RIMS2: variants seen among roughly 807,000 people sequenced by gnomAD.
RIMS2 encodes the protein regulating synaptic membrane exocytosis protein 2.
Under a neutral mutation model 174.4 loss-of-function variants are expected in RIMS2, and 59 were observed. The ratio of observed to expected loss-of-function variants is 0.34; its 90% CI spans 0.27 to 0.42. The LOEUF is 0.42. Ranked by LOEUF, RIMS2 falls within the 10% of genes least tolerant of loss-of-function variation. RIMS2 has a pLI of 1.00. For synonymous variants in RIMS2, 606 were observed against 572.5 expected (o/e 1.06, Z -0.84); for missense variants, 1,620 against 1,666.3 (o/e 0.97, Z 0.48).
chr8:103,674,712 C>G (rs1190071387), intron 1 of RIMS2, among the ~76,000 whole-genome samples: 1 of 151,710 alleles, frequency 6.6e-6, no homozygotes, highest in Admixed American at 6.6e-5. Context: ...CTCTTAGTAA[C>G]CCTGGTTTTT....
intron 17 of RIMS2, among the ~76,000 whole-genome samples, chr8:104,005,434 A>G (rs970201101): frequency 2.0e-5 from 3 of 152,294 alleles, no homozygotes; most frequent in South Asian, 2.1e-4. Context: ...ACACAGTTGA[A>G]CTAAATGTTA....
chr8:103,648,795 A>G (rs746775431), intron 1 of RIMS2, among the ~76,000 whole-genome samples: 46 of 151,928 alleles, frequency 3.0e-4, no homozygotes, highest in Non-Finnish European at 2.4e-4. Context: ...TTGTTTGGTA[A>G]ATTTTCCTCC....
chr8:103,950,211 C>G (rs1322216077), intron 14 of RIMS2, among the ~76,000 whole-genome samples: 1 of 152,070 alleles, frequency 6.6e-6, no homozygotes, highest in African/African-American at 2.4e-5. Flanking sequence ...TGATAAAATA[C>G]CAATTCTTTA....
At chr8:104,033,451 G>A (rs1045247076) in intron 19 of RIMS2, among the ~76,000 whole-genome samples, 5 of 151,924 alleles carry the variant, frequency 3.3e-5, no homozygotes, top group Non-Finnish European at 7.4e-5. Context: ...GTGGCCATAT[G>A]TATCTATGTA....
chr8:104,039,347 G>T (rs951216563), intron 19 of RIMS2, among the ~76,000 whole-genome samples: 8 of 151,528 alleles, frequency 5.3e-5, no homozygotes, highest in Non-Finnish European at 1.2e-4. Context: ...AACTTGTTTT[G>T]TATCATTGGG....
At chr8:103,768,032 A>C (rs1591976673) in intron 3 of RIMS2, among the ~76,000 whole-genome samples, 1 of 152,218 alleles carries the variant, frequency 6.6e-6, no homozygotes, top group African/African-American at 2.4e-5. Flanking sequence ...ACTTACAGTC[A>C]GCAGATTTTG....
intron 1 of RIMS2, among the ~76,000 whole-genome samples, chr8:103,573,799 A>G (rs1250216094): frequency 6.6e-6 from 1 of 152,120 alleles, no homozygotes; most frequent in Non-Finnish European, 1.5e-5. Context: ...TGCTTTGGGC[A>G]TTCTGGATAT....
At chr8:104,153,153 C>T (rs2098700484) in intron 19 of RIMS2, among the ~76,000 whole-genome samples, 1 of 152,110 alleles carries the variant, frequency 6.6e-6, no homozygotes, top group Non-Finnish European at 1.5e-5. Context: ...TCTTCTGTCA[C>T]ACTATTTGTA....
At chr8:103,746,577 T>G (rs1215958766) in intron 2 of RIMS2, among the ~76,000 whole-genome samples, 2 of 152,164 alleles carry the variant, frequency 1.3e-5, no homozygotes, top group African/African-American at 4.8e-5. Context: ...ATCCATTAGT[T>G]GTTTTCCTGA....
intron 2 of RIMS2, among the ~76,000 whole-genome samples, chr8:103,748,646 C>T (rs902003755): frequency 2.6e-5 from 4 of 152,116 alleles, no homozygotes; most frequent in South Asian, 2.1e-4. Context: ...TTTACATCTT[C>T]GGTTCTCTTC....
chr8:103,871,122 A>G (rs190806209), intron 3 of RIMS2, among the ~76,000 whole-genome samples: 2 of 152,312 alleles, frequency 1.3e-5, no homozygotes, highest in African/African-American at 4.8e-5. Flanking sequence ...AAAATAATGT[A>G]AAAGGGCCAG....
chr8:104,234,675 A>T (rs953398565), intron 19 of RIMS2, among the ~76,000 whole-genome samples: 5 of 152,310 alleles, frequency 3.3e-5, no homozygotes, highest in Non-Finnish European at 7.4e-5. Flanking sequence ...ATGGAAAAAA[A>T]TATAATTATC....
At chr8:104,120,898 T>G (rs1316917389) in intron 19 of RIMS2, among the ~76,000 whole-genome samples, 1 of 152,136 alleles carries the variant, frequency 6.6e-6, no homozygotes, top group Non-Finnish European at 1.5e-5. Flanking sequence ...CTGAAAGAAA[T>G]AAACATGGGG....
intron 19 of RIMS2, among the ~76,000 whole-genome samples, chr8:104,242,945 A>G (rs1339180704): frequency 2.0e-5 from 3 of 152,186 alleles, no homozygotes; most frequent in Non-Finnish European, 4.4e-5. Context: ...TCATATGAGT[A>G]TCCTTTCTAC....
At chr8:104,248,119 A>G (rs182994761) in intron 20 of RIMS2, among the ~76,000 whole-genome samples, 23 of 152,310 alleles carry the variant, frequency 1.5e-4, no homozygotes, top group South Asian at 4.1e-4. Context: ...AGTGGCAACA[A>G]TGAAAACATG....
chr8:103,551,708 G>C (rs1193892363), intron 1 of RIMS2, among the ~76,000 whole-genome samples: 1 of 151,954 alleles, frequency 6.6e-6, no homozygotes, highest in Non-Finnish European at 1.5e-5. Context: ...ACCCCATCGT[G>C]TCAGCCCCAA....
intron 3 of RIMS2, among the ~76,000 whole-genome samples, chr8:103,797,281 A>G (rs1242268510): frequency 1.3e-5 from 2 of 152,150 alleles, no homozygotes; most frequent in Non-Finnish European, 2.9e-5. Context: ...TACCATTATT[A>G]ATGCACTTAC....
rs1399886203 is a variant in RIMS2, at chr8:103,602,428, AT to A, written c.177-94650del. Among the ~76,000 whole-genome samples, 7 of 151,866 alleles carry A rather than the reference AT, an allele frequency of 4.6e-5. No individual in the cohort carries two copies. The East Asian group carries it at 7.7e-4, about 17-fold the overall frequency. On this transcript the variant is annotated intron_variant, in intron 1 of 23. Coordinates refer to ENST00000504942, the Ensembl canonical transcript of RIMS2. ...GTAATAAGCATAGTACTTAATAGGT[AT>A]TTTTTTTCCTGATCCCATCCCTCCT...
chr8:104,074,084 C>G (rs2097246502), intron 19 of RIMS2, among the ~76,000 whole-genome samples: 1 of 152,154 alleles, frequency 6.6e-6, no homozygotes, highest in African/African-American at 2.4e-5. Flanking sequence ...TCAGTGCTAA[C>G]CTTAAGTATT....
Sources: allele counts gnomAD v4.1 joint callset (sites outside exome capture counted in the v4.1 genomes callset), GRCh38; gene constraint gnomAD v4.1.1; transcripts MANE v1.5; gene names NCBI Gene and HGNC (gene_info 2026-07-23, HGNC 2026-07-21).